The following DOK5 variants were observed in gnomAD, a reference collection of about 807,000 sequenced individuals.
The protein encoded by DOK5 is docking protein 5.
A neutral mutation model predicts 43.3 loss-of-function variants in DOK5; 27 were observed. The ratio of observed to expected loss-of-function variants is 0.62; its 90% CI spans 0.46 to 0.86. The LOEUF (loss-of-function observed/expected upper bound fraction) is 0.86. Among genes scored for constraint, DOK5 ranks in the 40% least tolerant of loss-of-function variants. The pLI is 0.00. For missense variants in DOK5, 373 were observed against 392.9 expected (o/e 0.95, Z 0.43); for synonymous variants, 146 against 140.1 (o/e 1.04, Z -0.30).
chr20:54,504,624 G>A (rs1276381515), intron 1 of DOK5, among the ~76,000 whole-genome samples: 1 of 152,192 alleles, frequency 6.6e-6, no homozygotes, highest in African/African-American at 2.4e-5. Flanking sequence ...GGGGTGATTG[G>A]AGATGGTGTC....
chr20:54,499,783 A>T (rs6091896), intron 1 of DOK5, among the ~76,000 whole-genome samples: 1 of 152,220 alleles, frequency 6.6e-6, no homozygotes, highest in African/African-American at 2.4e-5. Flanking sequence ...CTGGGATTCA[A>T]TGGAATCTCA....
At chr20:54,638,750 T>C (rs1600759153) in intron 6 of DOK5, among the ~76,000 whole-genome samples, 1 of 126,438 alleles carries the variant, frequency 7.9e-6, no homozygotes, top group Admixed American at 9.3e-5. Context: ...TTCTTTTCTT[T>C]TCTTTTTTTT....
chr20:54,615,168 C>T (rs1986766738), intron 6 of DOK5, among the ~76,000 whole-genome samples: 1 of 152,128 alleles, frequency 6.6e-6, no homozygotes, highest in South Asian at 2.1e-4. Flanking sequence ...CAATACCAGG[C>T]TGAAATTACA....
Position 54,619,023 on chromosome 20 carries a change from TTATATATATATATATATATA to T in DOK5, c.735+8532_735+8551del, listed in dbSNP as rs11468808. 9.9e-3 allele frequency among the ~76,000 whole-genome samples: 429 copies of T among 43,396 alleles called. 8 individuals carry two copies. The highest frequency in any genetic ancestry group is 0.025 in the African/African-American group (348 of 14,052). The allele number at this position is 43,396 out of a possible 152,430, so 28.5% of individuals were successfully genotyped here. A position where few individuals can be genotyped will look rare whatever the true frequency, so the allele number is the denominator to read the frequency against. Reference sequence around the variant, plus strand: ...CAGAACAAGACCTTGTTTCAATAAATTATATATATATATATATATATATATATATATATATATATATATAT... The same window carrying T: ...CAGAACAAGACCTTGTTTCAATAAATTATATATATATATATATATATATAT... On this transcript the variant is annotated intron_variant, in intron 6 of 7. Transcript: ENST00000262593.
intron 7 of DOK5, among the ~76,000 whole-genome samples, chr20:54,648,350 A>G (rs1979537866): frequency 6.6e-6 from 1 of 152,180 alleles, no homozygotes; most frequent in African/African-American, 2.4e-5. Context: ...TCAAGCAGAC[A>G]TAGTTAATTT....
At chr20:54,540,546 G>T (rs1984119850) in intron 1 of DOK5, among the ~76,000 whole-genome samples, 1 of 152,104 alleles carries the variant, frequency 6.6e-6, no homozygotes, top group African/African-American at 2.4e-5. Flanking sequence ...TTGAGACAGG[G>T]TTTCTGTTGC....
chr20:54,493,008 C>G (rs1214874097), intron 1 of DOK5, among the ~76,000 whole-genome samples: 1 of 142,834 alleles, frequency 7.0e-6, no homozygotes, highest in South Asian at 2.2e-4. Context: ...TGAGCTGAGA[C>G]TGAGCCACTG....
At chr20:54,583,881 C>G (rs1955415398) in intron 2 of DOK5, among the ~76,000 whole-genome samples, 1 of 151,936 alleles carries the variant, frequency 6.6e-6, no homozygotes, top group Non-Finnish European at 1.5e-5. Context: ...AATTACTGCA[C>G]CAGGCATAGT....
chr20:54,506,859 G>A (rs767507348), intron 1 of DOK5, among the ~76,000 whole-genome samples: 33 of 152,190 alleles, frequency 2.2e-4, no homozygotes, highest in Admixed American at 1.2e-3. Context: ...AACACCTGGC[G>A]ATCATACGCG....
chr20:54,485,019 T>C (rs1600652686), intron 1 of DOK5, among the ~76,000 whole-genome samples: 1 of 152,090 alleles, frequency 6.6e-6, no homozygotes, highest in African/African-American at 2.4e-5. Context: ...TGAGACTCTG[T>C]CTCAGAATTT....
At chr20:54,504,323 T>G (rs1167705012) in intron 1 of DOK5, among the ~76,000 whole-genome samples, 3 of 152,146 alleles carry the variant, frequency 2.0e-5, no homozygotes, top group African/African-American at 7.2e-5. Context: ...GCTGATATAA[T>G]ACAAATCCAC....
intron 1 of DOK5, among the ~76,000 whole-genome samples, chr20:54,512,327 A>G (rs1379811395): frequency 1.3e-5 from 2 of 152,248 alleles, no homozygotes; most frequent in Non-Finnish European, 2.9e-5. Flanking sequence ...TGCTGGTCCC[A>G]TAAATATTGC....
At chr20:54,593,757 G>A (rs1394515758) in intron 5 of DOK5, among the ~76,000 whole-genome samples, 1 of 152,130 alleles carries the variant, frequency 6.6e-6, no homozygotes, top group East Asian at 1.9e-4. Context: ...AATGCTCATC[G>A]ATGATAGACT....
chr20:54,532,335 G>T (rs955866243), intron 1 of DOK5, among the ~76,000 whole-genome samples: 1 of 152,170 alleles, frequency 6.6e-6, no homozygotes, highest in Non-Finnish European at 1.5e-5. Context: ...TTGTGTTCTT[G>T]ACTTTAATTG....
rs146026211 is a variant in DOK5 at position 54,572,922 on chromosome 20, G to A, written c.175-15561G>A. ...ATGATGCCAATATTCACCTCTGGAA[G>A]TAGAACTTTAACAAGCACCTACTGA... On this transcript the variant is annotated intron_variant, in intron 2 of 7. Transcript: ENST00000262593. Among the ~76,000 whole-genome samples, 295 of 152,308 alleles carry A rather than the reference G, an allele frequency of 1.9e-3. 1 individual carries two copies. The highest frequency in any genetic ancestry group is 3.4e-3 in the Non-Finnish European group (232 of 68,030).
intron 6 of DOK5, among the ~76,000 whole-genome samples, chr20:54,623,185 C>T (rs1206682855): frequency 6.6e-6 from 1 of 152,182 alleles, no homozygotes; most frequent in Non-Finnish European, 1.5e-5. Context: ...TGGCTGTCAA[C>T]AATGGGGTCC....
At chr20:54,501,174 A>G (rs1466586098) in intron 1 of DOK5, among the ~76,000 whole-genome samples, 1 of 152,072 alleles carries the variant, frequency 6.6e-6, no homozygotes, top group Non-Finnish European at 1.5e-5. Context: ...AAGGCTAGAA[A>G]TCTGGCAGTG....
At chr20:54,594,121 G>A (rs572186621) in intron 5 of DOK5, among the ~76,000 whole-genome samples, 4 of 152,056 alleles carry the variant, frequency 2.6e-5, no homozygotes, top group Admixed American at 2.6e-4. Flanking sequence ...TAACAAACCT[G>A]TACATCCTGC....
chr20:54,579,392 A>G (rs1200535650), intron 2 of DOK5, among the ~76,000 whole-genome samples: 2 of 145,230 alleles, frequency 1.4e-5, no homozygotes, highest in African/African-American at 5.7e-5. Flanking sequence ...GGGGTGAGGC[A>G]CAGTGGTTAA....
Sources: allele counts gnomAD v4.1 joint callset (sites outside exome capture counted in the v4.1 genomes callset), GRCh38; gene constraint gnomAD v4.1.1; transcripts MANE v1.5; gene names NCBI Gene and HGNC (gene_info 2026-07-23, HGNC 2026-07-21).